Variants in ELP6 observed in about 807,000 individuals in gnomAD.
ELP6 encodes elongator acetyltransferase complex subunit 6.
Under a neutral mutation model 28.1 loss-of-function variants are expected in ELP6, and 23 were observed. That is an observed-to-expected ratio of 0.82 (90% confidence interval 0.59 to 1.16). The LOEUF (loss-of-function observed/expected upper bound fraction) is 1.16. Ranked by LOEUF, ELP6 falls within the 50% of genes most tolerant of loss-of-function variation. The probability of loss-of-function intolerance (pLI) is 0.00; values close to 1 mark genes in which losing one functional copy is unlikely to be tolerated. For missense variants in ELP6, 313 were observed against 334.6 expected, an observed-to-expected ratio of 0.94 and a Z score of 0.50; for synonymous variants, 132 against 135.8, an observed-to-expected ratio of 0.97 and a Z score of 0.19.
At chr3:47,496,560 A>G (rs1033289745) in intron 6 of ELP6, 50 of 879,724 alleles carry the variant, frequency 5.7e-5, no homozygotes, top group Non-Finnish European at 6.1e-5. Flanking sequence ...CAGTGGCGCA[A>G]TCTTGGCTTA....
In ELP6 at chr3:47,496,045, A is replaced by G. The variant is rs767303971; in HGVS notation, c.*24T>C. The G allele has an allele frequency of 6.2e-7, 1 of 1,614,022 alleles. No homozygotes were observed. On this transcript the variant is annotated 3_prime_UTR_variant, in exon 7 of 7. Coordinates refer to ENST00000296149, the MANE Select transcript of ELP6 (RefSeq NM_001031703.3). ...TCCACGTCCAAAAACAGTCCTATGT[A>G]GCTTCAGCTGCTCCGAAATCAGGTC...
At chr3:47,501,353 T>C (rs1181633440) in intron 5 of ELP6, among the ~76,000 whole-genome samples, 1 of 152,150 alleles carries the variant, frequency 6.6e-6, no homozygotes, top group African/African-American at 2.4e-5. Context: ...CACTCAGGGA[T>C]GATAATAACT....
At chr3:47,513,317 G>A (rs1227265976) in intron 1 of ELP6, 3 of 1,372,458 alleles carry the variant, frequency 2.2e-6, no homozygotes, top group South Asian at 1.7e-5. Context: ...TTAAGGACAC[G>A]CACAGCCGTT....
chr3:47,511,195 G>A lies in ELP6; in HGVS notation c.86C>T (p.Thr29Ile), dbSNP rs775636498. The change falls in exon 2 of 7, where the codon ACA (threonine) becomes ATA (isoleucine). Residue 29 changes from threonine to isoleucine, a missense_variant. Physicochemically the swap from Thr to Ile is moderately conservative, Grantham distance 89. Coordinates refer to ENST00000296149, the MANE Select transcript of ELP6 (RefSeq NM_001031703.3). Reference protein sequence around the residue: ...GKLTLLCDAKTDGSFLVHHFL... With the variant: ...GKLTLLCDAKIDGSFLVHHFL... The stretch of plus-strand genomic sequence containing the variant: ...GTGGTGTACAAGGAAACTCCCATCT[G>A]TCTTGGCATCACAGAGTAGAGTCAG... 1.2e-6 allele frequency: 2 copies of A among 1,614,102 alleles called. No homozygotes were observed. Among genetic ancestry groups the A allele is most frequent in the Non-Finnish European group, 1.7e-6 (2 of 1,180,000 alleles).
At chr3:47,499,963 C>T in intron 5 of ELP6, 1 of 1,350,278 alleles carries the variant, frequency 7.4e-7, no homozygotes, top group Admixed American at 2.0e-5. Context: ...TGGTGTCGGC[C>T]AAGTTTGAGG....
At chr3:47,496,557 G>A (rs375577161) in intron 6 of ELP6, 5 of 876,786 alleles carry the variant, frequency 5.7e-6, no homozygotes, top group African/African-American at 1.8e-5. Flanking sequence ...GTGCAGTGGC[G>A]CAATCTTGGC....
intron 1 of ELP6, chr3:47,512,129 A>C: frequency 1.1e-6 from 1 of 940,718 alleles, no homozygotes; most frequent in Non-Finnish European, 1.3e-6. Context: ...TAAAATCCAC[A>C]AGGATCTACT....
intron 3 of ELP6, among the ~76,000 whole-genome samples, chr3:47,509,180 TC>T (rs1353757050): frequency 6.6e-6 from 1 of 152,090 alleles, no homozygotes; most frequent in African/African-American, 2.4e-5. Context: ...CAGGCTGGTC[TC>T]CAACTCCTGA....
chr3:47,511,386 G>C (rs1709013611), intron 1 of ELP6, 160 bp from the exon 2 acceptor site: 3 of 1,410,972 alleles, frequency 2.1e-6, no homozygotes, highest in Admixed American at 3.1e-5. Flanking sequence ...ATGAAAATAA[G>C]TCAAAATTAT....
At chr3:47,507,645 A>G (rs1481387766) in intron 3 of ELP6, among the ~76,000 whole-genome samples, 1 of 151,972 alleles carries the variant, frequency 6.6e-6, no homozygotes, top group East Asian at 1.9e-4. Flanking sequence ...AAAAAAAAAA[A>G]AAAGAGAAAG....
intron 3 of ELP6, among the ~76,000 whole-genome samples, chr3:47,505,566 A>ATATT (rs986614711): frequency 2.0e-4 from 30 of 151,694 alleles, no homozygotes; most frequent in Admixed American, 1.3e-3. Context: ...CACCAGGCTA[A>ATATT]TATTTATTTA....
At chr3:47,498,586 G>A in intron 5 of ELP6, 154 bp from the exon 6 acceptor site, 5 of 985,290 alleles carry the variant, frequency 5.1e-6, no homozygotes, top group Non-Finnish European at 6.0e-6. Flanking sequence ...TGTGCTCCCA[G>A]ACCCTAATTC....
intron 6 of ELP6, 55 bp from the exon 7 acceptor site, chr3:47,496,252 T>C: frequency 1.3e-6 from 2 of 1,592,492 alleles, no homozygotes; most frequent in Admixed American, 1.8e-5. Flanking sequence ...CCTGCTCCAC[T>C]GGGAACCCCA....
intron 4 of ELP6, 152 bp from the exon 5 acceptor site, chr3:47,502,003 G>C (rs1708676038): frequency 1.4e-6 from 1 of 722,060 alleles, no homozygotes; most frequent in African/African-American, 1.8e-5. Context: ...AGAAAGAAAA[G>C]GCATGCACAT....
intron 1 of ELP6, chr3:47,513,318 C>A: frequency 1.5e-6 from 2 of 1,376,280 alleles, no homozygotes; most frequent in Non-Finnish European, 1.9e-6. Flanking sequence ...TAAGGACACG[C>A]ACAGCCGTTG....
At chr3:47,501,485 T>C (rs1708647862) in intron 5 of ELP6, 165 bp downstream of exon 5, 1 of 646,606 alleles carries the variant, frequency 1.5e-6, no homozygotes, top group South Asian at 1.9e-5. Context: ...TTTTCAGCAA[T>C]GGCAGGTAAG....
chr3:47,511,310 A>C (rs572859673), intron 1 of ELP6, 84 bp from the exon 2 acceptor site: 7 of 1,515,392 alleles, frequency 4.6e-6, no homozygotes, highest in Non-Finnish European at 6.3e-6. Flanking sequence ...TTGTGTCCAC[A>C]CCTTAATTTC....
intron 5 of ELP6, chr3:47,501,443 G>C (rs143111812): frequency 1.4e-5 from 8 of 585,322 alleles, no homozygotes; most frequent in Non-Finnish European, 2.4e-5. Context: ...TGAATGCAAT[G>C]TTGATCATCC....
At chr3:47,505,351 A>G (rs1032388871) in intron 3 of ELP6, among the ~76,000 whole-genome samples, 1 of 152,066 alleles carries the variant, frequency 6.6e-6, no homozygotes, top group Non-Finnish European at 1.5e-5. Context: ...CCCTGCTCAG[A>G]CTAGGACTTT....
Sources: allele counts gnomAD v4.1 joint callset (sites outside exome capture counted in the v4.1 genomes callset), GRCh38; gene constraint gnomAD v4.1.1; transcripts MANE v1.5; gene names NCBI Gene and HGNC (gene_info 2026-07-23, HGNC 2026-07-21).